The following ZNF41 variants were observed in gnomAD, a reference collection of about 807,000 sequenced individuals.
ZNF41 encodes zinc finger protein 41.
Under a neutral mutation model 9.3 loss-of-function variants are expected in ZNF41, and 6 were observed. That is an observed-to-expected ratio of 0.65 (90% confidence interval 0.35 to 1.28). ZNF41 has a LOEUF of 1.28. Ranked by LOEUF, ZNF41 falls within the 50% of genes most tolerant of loss-of-function variation. ZNF41 has a pLI of 0.03. For missense variants in ZNF41, 523 were observed against 585.8 expected, an observed-to-expected ratio of 0.89 and a Z score of 1.11; for synonymous variants, 192 against 207.1, an observed-to-expected ratio of 0.93 and a Z score of 0.63.
intron 2 of ZNF41, among the ~76,000 whole-genome samples, chrX:47,466,116 T>C (rs2056974899): frequency 8.9e-6 from 1 of 111,771 alleles, no homozygotes; most frequent in African/African-American, 3.3e-5. Context: ...TTGGGTAATG[T>C]TGGAACGACA....
chrX:47,471,769 G>T (rs1001386237), intron 1 of ZNF41, among the ~76,000 whole-genome samples: 2 of 111,619 alleles, frequency 1.8e-5, no homozygotes. Flanking sequence ...AATATATCAA[G>T]AATGTCTAGA....
At chrX:47,459,687 T>C (rs1435558635) in intron 2 of ZNF41, among the ~76,000 whole-genome samples, 1 of 90,494 alleles carries the variant, frequency 1.1e-5, no homozygotes, top group Non-Finnish European at 2.0e-5. Flanking sequence ...GAGGCTGCAG[T>C]GAACCATGAC....
chrX:47,453,252 G>A (rs931295733), intron 4 of ZNF41, among the ~76,000 whole-genome samples: 15 of 111,354 alleles, frequency 1.3e-4, no homozygotes, highest in South Asian at 3.8e-4. Context: ...TAATTCCGGA[G>A]ACTTTCTAAA....
chrX:47,452,737 G>A (rs1169183987), intron 4 of ZNF41, among the ~76,000 whole-genome samples: 1 of 112,087 alleles, frequency 8.9e-6, no homozygotes, highest in African/African-American at 3.2e-5. Flanking sequence ...GATTACAGGC[G>A]TGGGCCACCA....
In ZNF41 at chrX:47,455,948, C is replaced by T. The variant is rs770950838; in HGVS notation, c.268G>A (p.Gly90Arg). 3.1e-5 allele frequency: 38 copies of T among 1,209,843 alleles called. No individual in the cohort carries two copies. The East Asian group carries it at 1.0e-3, about 32-fold the overall frequency. ...GAACAGCTCTGATGTGGGGCTTCCC[C>T]CTCCAGCATCCATGGCCCCTCTCCT... is the stretch of plus-strand genomic sequence containing the variant. ...EQGEGPWMLE[G>R]EAPHQSCSGE... Residue 90 changes from glycine to arginine, a missense_variant, in exon 4 of 5, where the codon GGG (glycine) becomes AGG (arginine). Coordinates refer to ENST00000684689, the MANE Select transcript of ZNF41 (RefSeq NM_001324144.2).
In ZNF41 at chrX:47,447,830, T is replaced by G; in HGVS notation, c.1940A>C (p.Lys647Thr). ...CSDCGKCFTK[K>T]SQLRVHQKIH... ...TTTCTGATGCACACGGAGTTGTGAC[T>G]TCTTAGTGAAGCATTTCCCACAGTC... The change falls in exon 5 of 5, where the codon AAG becomes ACG. Residue 647 changes from lysine to threonine, a missense_variant. Lys to Thr is a moderately conservative substitution (Grantham distance 78, BLOSUM62 -1). Transcript: ENST00000684689. 1 of 1,211,830 alleles carries G rather than the reference T, an allele frequency of 8.3e-7. No homozygotes were observed. Among genetic ancestry groups the G allele is most frequent in the Non-Finnish European group, 1.1e-6 (1 of 895,524 alleles).
chrX:47,456,157 T>C (rs1758433399), intron 3 of ZNF41, 115 bp downstream of exon 3: 1 of 1,089,228 alleles, frequency 9.2e-7, no homozygotes, highest in African/African-American at 1.8e-5. Flanking sequence ...GAAAAGGAAC[T>C]GAATCCCAGA....
chrX:47,465,760 T>C (rs889824612), intron 2 of ZNF41, among the ~76,000 whole-genome samples: 1 of 110,285 alleles, frequency 9.1e-6, no homozygotes, highest in African/African-American at 3.3e-5. Flanking sequence ...TAAGCTGAGA[T>C]TGCACCACTG....
chrX:47,466,440 GAC>G lies in ZNF41; in HGVS notation c.72+968_72+969del, dbSNP rs779398457. 5.4e-5 allele frequency among the ~76,000 whole-genome samples: 6 copies of G among 111,510 alleles called. No homozygotes were observed. The South Asian group carries it at 2.2e-3, about 42-fold the overall frequency. On this transcript the variant is annotated intron_variant, in intron 2 of 4. Transcript: ENST00000684689. ...CAGCTGTGGTGCGGTGAGGGTGGAA[GAC>G]ACAGTCAGGAGACCTGGCTCCAGTC...
chrX:47,457,538 G>T lies in ZNF41; in HGVS notation c.73-1140C>A, dbSNP rs139675014. Among the ~76,000 whole-genome samples, 7 of 111,558 alleles carry T rather than the reference G, an allele frequency of 6.3e-5. No homozygotes were observed. In the Admixed American group the frequency reaches 6.7e-4, roughly 11 times the overall value. On this transcript the variant is annotated intron_variant, in intron 2 of 4. Transcript: ENST00000684689. ...GGACTTAAGGCAGTGGTTGTCATGG[G>T]CAAGTAAAAGAAGGTGTTGGCTGGG...
intron 4 of ZNF41, among the ~76,000 whole-genome samples, chrX:47,451,448 T>C (rs2056361590): frequency 8.9e-6 from 1 of 112,412 alleles, no homozygotes; most frequent in Non-Finnish European, 1.9e-5. Flanking sequence ...ACACATCGTA[T>C]GCTGTATCAA....
chrX:47,461,099 CTTT>C (rs372319051), intron 2 of ZNF41, among the ~76,000 whole-genome samples: 6 of 98,094 alleles, frequency 6.1e-5, no homozygotes, highest in Admixed American at 1.1e-4. Context: ...CTTTTCTTTT[CTTT>C]TTTTTTTTTT....
chrX:47,456,944 A>G (rs1460669312), intron 2 of ZNF41, among the ~76,000 whole-genome samples: 1 of 111,973 alleles, frequency 8.9e-6, no homozygotes, highest in Non-Finnish European at 1.9e-5. Context: ...AAGTAGTACC[A>G]TATAAAGGAA....
At chrX:47,475,037 G>A (rs28550165) in intron 1 of ZNF41, among the ~76,000 whole-genome samples, 30 of 105,626 alleles carry the variant, frequency 2.8e-4, no homozygotes, top group Admixed American at 2.7e-3. Flanking sequence ...AAATTTAGCC[G>A]GGTGTGGTGG....
In ZNF41 at chrX:47,447,589, A is replaced by C; in HGVS notation, c.2181T>G (p.Ala727=). ...TACTTAGTGTGGCTTTCTGGATGAA[A>C]GCTTTCCCACATTTACTACATTCAT... ...RHYECSKCGK[A]FIQKATLSMH... is the part of the protein sequence containing the mutation. The change falls in exon 5 of 5, where the codon GCT becomes GCG. Residue 727 remains alanine, a synonymous_variant. Transcript: ENST00000684689. 8.3e-7 allele frequency: 1 copy of C among 1,211,716 alleles called. No individual in the cohort carries two copies. The highest frequency in any genetic ancestry group is 1.7e-5 in the African/African-American group (1 of 57,801).
In ZNF41 at chrX:47,456,392, C is replaced by A. The variant is rs148900163; in HGVS notation, c.79G>T (p.Val27Leu). 5.0e-6 allele frequency: 6 copies of A among 1,209,766 alleles called. No homozygotes were observed. The African/African-American group carries it at 1.0e-4, about 21-fold the overall frequency. Residue 27 changes from valine (V) to leucine (L), a missense_variant, in exon 3 of 5, where the codon GTG (valine) becomes TTG (leucine). Physicochemically the swap from Val to Leu is conservative, Grantham distance 32 (BLOSUM62 1). Coordinates refer to ENST00000684689, the MANE Select transcript of ZNF41 (RefSeq NM_001324144.2). ...EGRGSSCEAS[V>L]SFEDVTVDFS... is the part of the protein sequence containing the mutation. ...TCCACAGTCACGTCCTCAAATGACA[C>A]TGAAGCCTGTAACGACACAATGCTG...
At chrX:47,472,709 A>G (rs2057228212) in intron 1 of ZNF41, among the ~76,000 whole-genome samples, 1 of 108,584 alleles carries the variant, frequency 9.2e-6, no homozygotes, top group Non-Finnish European at 1.9e-5. Context: ...AGAAAGACAC[A>G]TGGCTTCTTT....
In ZNF41 at chrX:47,478,494, G is replaced by A. The variant is rs180873448; in HGVS notation, c.-280+4601C>T. Among the ~76,000 whole-genome samples the A allele has an allele frequency of 2.0e-3, 226 of 110,455 alleles. 2 individuals carry two copies. Among genetic ancestry groups the A allele is most frequent in the Middle Eastern group, 4.7e-3 (1 of 213 alleles). On this transcript the variant is annotated intron_variant, in intron 1 of 4. Coordinates refer to ENST00000684689, the MANE Select transcript of ZNF41 (RefSeq NM_001324144.2). ...TGCACTCCAGCCTGGGTGACAGAGC[G>A]AGACTCTGTCACAACAAAACAAAAC...
chrX:47,467,594 G>T lies in ZNF41; in HGVS notation c.-113C>A. 1 of 931,959 alleles carries T rather than the reference G, an allele frequency of 1.1e-6. No homozygotes were observed. Among genetic ancestry groups the T allele is most frequent in the African/African-American group, 1.9e-5 (1 of 52,145 alleles). The allele number at this position is 931,959 out of a possible 1,213,427, so 76.8% of individuals were successfully genotyped here. ...AACCGGAGCTGCTGGGGCGAGGCAA[G>T]CAGGGGTCAGAAGGAAGATCCTGCA... On this transcript the variant is annotated 5_prime_UTR_variant, in exon 2 of 5. Coordinates refer to ENST00000684689, the MANE Select transcript of ZNF41 (RefSeq NM_001324144.2).
Sources: gnomAD v4.1 joint callset for allele counts (sites outside exome capture counted in the v4.1 genomes callset) on GRCh38, gnomAD v4.1.1 for gene constraint, MANE v1.5 for transcripts, NCBI Gene and HGNC (gene_info 2026-07-23, HGNC 2026-07-21) for gene names.